RBMS3: variants seen among roughly 807,000 people sequenced by gnomAD.
RBMS3 encodes RNA binding motif single stranded interacting protein 3, also known as RNA-binding motif, single-stranded-interacting protein 3.
In RBMS3, 27 loss-of-function variants were observed where a neutral mutation model predicts 66.8. The ratio of observed to expected loss-of-function variants is 0.40; its 90% CI spans 0.30 to 0.56. The LOEUF is 0.56. Ranked by LOEUF, RBMS3 falls within the 20% of genes least tolerant of loss-of-function variation. The pLI is 0.40. For missense variants in RBMS3, 513 were observed against 549.5 expected (o/e 0.93, Z 0.66); for synonymous variants, 188 against 183.0 (o/e 1.03, Z -0.22).
intron 1 of RBMS3, among the ~76,000 whole-genome samples, chr3:29,429,214 T>C (rs2041086196): frequency 6.6e-6 from 1 of 152,194 alleles, no homozygotes; most frequent in South Asian, 2.1e-4. Flanking sequence ...AGAAGAATAT[T>C]ATTTGCCTCA....
intron 11 of RBMS3, among the ~76,000 whole-genome samples, chr3:29,938,879 A>G (rs928699551): frequency 2.0e-5 from 3 of 151,942 alleles, no homozygotes; most frequent in Non-Finnish European, 2.9e-5. Flanking sequence ...ACAAAGTGGG[A>G]AAAATAATGC....
intron 4 of RBMS3, among the ~76,000 whole-genome samples, chr3:29,647,190 G>C (rs2049954484): frequency 6.6e-6 from 1 of 152,122 alleles, no homozygotes; most frequent in Non-Finnish European, 1.5e-5. Context: ...AGTTGGCCAG[G>C]CTGGTCTCGA....
chr3:29,750,836 T>G (rs1559634464), intron 5 of RBMS3, among the ~76,000 whole-genome samples: 3 of 152,228 alleles, frequency 2.0e-5, no homozygotes, highest in African/African-American at 4.8e-5. Flanking sequence ...TCTCCTGGAC[T>G]TCCAGGGGTT....
chr3:29,554,347 A>G (rs1209696013), intron 3 of RBMS3, among the ~76,000 whole-genome samples: 2 of 152,244 alleles, frequency 1.3e-5, no homozygotes, highest in African/African-American at 2.4e-5. Context: ...ACAAAATCAT[A>G]CTATAAGTTA....
In RBMS3 at chr3:29,450,954, T is replaced by A. The variant is rs529685357; in HGVS notation, c.248+16039T>A. Among the ~76,000 whole-genome samples, 9 of 151,806 alleles carry A rather than the reference T, an allele frequency of 5.9e-5. No individual in the cohort carries two copies. In the South Asian group the frequency reaches 1.7e-3, roughly 28 times the overall value. On this transcript the variant is annotated intron_variant, in intron 2 of 14. Transcript: ENST00000383767. The stretch of plus-strand genomic sequence containing the variant: ...ACACCCCCCACACACACACATGGTG[T>A]CTATATGCTTGTCAACACTTTCATA...
intron 7 of RBMS3, among the ~76,000 whole-genome samples, chr3:29,875,036 G>A (rs973435337): frequency 5.9e-5 from 9 of 152,140 alleles, no homozygotes; most frequent in Non-Finnish European, 5.9e-5. Context: ...AGGCTGGGAA[G>A]ATTACAGCAA....
intron 3 of RBMS3, among the ~76,000 whole-genome samples, chr3:29,515,932 T>C (rs972978704): frequency 3.3e-5 from 5 of 152,358 alleles, no homozygotes; most frequent in South Asian, 4.1e-4. Flanking sequence ...GTAGTTTTTA[T>C]ACCTAGGCAC....
chr3:29,992,815 G>T (rs1163018478), intron 14 of RBMS3, among the ~76,000 whole-genome samples: 2 of 152,114 alleles, frequency 1.3e-5, no homozygotes, highest in Non-Finnish European at 2.9e-5. Context: ...TGAGAAAATT[G>T]ATCAGATATT....
At chr3:29,571,888 G>T (rs1299276854) in intron 3 of RBMS3, among the ~76,000 whole-genome samples, 1 of 151,916 alleles carries the variant, frequency 6.6e-6, no homozygotes. Flanking sequence ...AAACAATATT[G>T]CTATCCAATA....
In RBMS3 at chr3:29,691,949, A is replaced by ATTTTTTTTTTTTTTTTTTTTTTT. The variant is rs1294126975; in HGVS notation, c.400-47753_400-47752insTTTTTTTTTTTTTTTTTTTTTTT. Among the ~76,000 whole-genome samples, 72 of 64,978 alleles carry ATTTTTTTTTTTTTTTTTTTTTTT rather than the reference A, an allele frequency of 1.1e-3. 16 individuals carry two copies. Among genetic ancestry groups the ATTTTTTTTTTTTTTTTTTTTTTT allele is most frequent in the East Asian group, 1.3e-3 (3 of 2,252 alleles). 42.6% of individuals were successfully genotyped at this position (64,978 alleles called of 152,430 possible). On this transcript the variant is annotated intron_variant, in intron 4 of 14. Transcript: ENST00000383767. Reference sequence around the variant, plus strand: ...GTGACCCTTCTCTCTCTCTCTCTCTATTTTTTTTTTTTTTTTTTGAGATGG... The same window carrying ATTTTTTTTTTTTTTTTTTTTTTT: ...GTGACCCTTCTCTCTCTCTCTCTCTATTTTTTTTTTTTTTTTTTTTTTTTTTTTTTTTTTTTTTTTTGAGATGG...
rs2034921626 is a variant in RBMS3 at position 29,320,185 on chromosome 3, A to G, written c.75+38429A>G. Among the ~76,000 whole-genome samples, 3 of 152,164 alleles carry G rather than the reference A, an allele frequency of 2.0e-5. No individual in the cohort carries two copies. In the South Asian group the frequency reaches 6.2e-4, roughly 32 times the overall value. On this transcript the variant is annotated intron_variant, in intron 1 of 14. Transcript: ENST00000383767. ...GCACAAATTGCTAGCTTTGTTACTGATGGATAACAAGAAGTTAATTTCACT... is the reference window on the plus strand; with the variant it reads ...GCACAAATTGCTAGCTTTGTTACTGGTGGATAACAAGAAGTTAATTTCACT...
At chr3:29,837,814 G>T (rs2058563944) in intron 6 of RBMS3, among the ~76,000 whole-genome samples, 1 of 150,336 alleles carries the variant, frequency 6.7e-6, no homozygotes, top group African/African-American at 2.4e-5. Context: ...TCTTTTAAAT[G>T]ATGTATTTGT....
chr3:29,504,414 G>A (rs2044101400), intron 3 of RBMS3, among the ~76,000 whole-genome samples: 1 of 152,006 alleles, frequency 6.6e-6, no homozygotes, highest in South Asian at 2.1e-4. Flanking sequence ...TAATTTAAGA[G>A]GCAGTGAGCA....
chr3:29,941,225 C>T (rs2061386435), intron 11 of RBMS3, among the ~76,000 whole-genome samples: 1 of 151,802 alleles, frequency 6.6e-6, no homozygotes, highest in African/African-American at 2.4e-5. Flanking sequence ...CATTTGTCCC[C>T]ACAGTTCTCT....
chr3:29,866,112 G>GAAA (rs2059357657), intron 6 of RBMS3, among the ~76,000 whole-genome samples: 2 of 138,516 alleles, frequency 1.4e-5, no homozygotes, highest in African/African-American at 5.8e-5. Context: ...CCTCTTCTTG[G>GAAA]ATAACATTCC....
At chr3:29,936,652 G>A (rs1055129916) in intron 11 of RBMS3, among the ~76,000 whole-genome samples, 8 of 152,052 alleles carry the variant, frequency 5.3e-5, no homozygotes, top group African/African-American at 2.4e-5. Context: ...AGGTATAATC[G>A]AGTTCTTTTA....
At chr3:29,452,883 T>C (rs2042060016) in intron 2 of RBMS3, among the ~76,000 whole-genome samples, 1 of 152,176 alleles carries the variant, frequency 6.6e-6, no homozygotes, top group South Asian at 2.1e-4. Context: ...GTCACTAAAA[T>C]TGCATGCAAA....
chr3:29,992,184 T>A (rs979618689), intron 14 of RBMS3, among the ~76,000 whole-genome samples: 1 of 152,192 alleles, frequency 6.6e-6, no homozygotes, highest in African/African-American at 2.4e-5. Flanking sequence ...TTATTTAAAA[T>A]AATTTTTCTT....
At chr3:29,370,219 T>C (rs2038127632) in intron 1 of RBMS3, among the ~76,000 whole-genome samples, 2 of 152,210 alleles carry the variant, frequency 1.3e-5, no homozygotes, top group Admixed American at 1.3e-4. Context: ...AACTATGATG[T>C]CATTATGTCA....
Sources: gnomAD v4.1 joint callset for allele counts (sites outside exome capture counted in the v4.1 genomes callset) on GRCh38, gnomAD v4.1.1 for gene constraint, MANE v1.5 for transcripts, NCBI Gene and HGNC (gene_info 2026-07-23, HGNC 2026-07-21) for gene names.